Variants in PLXNA4 observed in about 807,000 individuals in gnomAD.
PLXNA4 encodes plexin-A4.
A neutral mutation model predicts 191.8 loss-of-function variants in PLXNA4; 44 were observed. The ratio of observed to expected loss-of-function variants is 0.23; its 90% CI spans 0.18 to 0.29. The LOEUF (loss-of-function observed/expected upper bound fraction) is 0.29, where lower values mean the gene tolerates loss of function less well. Among genes scored for constraint, PLXNA4 ranks in the 10% least tolerant of loss-of-function variants. The pLI, the probability that PLXNA4 is intolerant of heterozygous loss-of-function variation, is 1.00. For missense variants in PLXNA4, 1,800 were observed against 2,488.8 expected (o/e 0.72, Z 5.89); for synonymous variants, 1,082 against 1,009.5 (o/e 1.07, Z -1.36).
chr7:132,577,199 C>G (rs1228726202), upstream of PLXNA4: 1 of 148,334 alleles, frequency 6.7e-6, no homozygotes, highest in Non-Finnish European at 1.5e-5. Context: ...CCCCGGCCCC[C>G]CGGGCGGGCT....
intron 21 of PLXNA4, among the ~76,000 whole-genome samples, chr7:132,172,726 C>T (rs990214486): frequency 2.6e-5 from 4 of 150,982 alleles, no homozygotes; most frequent in Non-Finnish European, 5.9e-5. Flanking sequence ...AACTAACCTG[C>T]ACATTGTGCA....
intron 1 of PLXNA4, among the ~76,000 whole-genome samples, chr7:132,563,094 T>C (rs960507670): frequency 4.9e-3 from 167 of 33,914 alleles, no homozygotes; most frequent in Middle Eastern, 0.062. Flanking sequence ...CCTCCTCTTC[T>C]TCCTCCTCCT....
chr7:132,242,653 A>G (rs1376240772), intron 4 of PLXNA4, among the ~76,000 whole-genome samples: 1 of 152,032 alleles, frequency 6.6e-6, no homozygotes, highest in African/African-American at 2.4e-5. Context: ...TACCTCTCCC[A>G]TTCTGACGGC....
intron 3 of PLXNA4, among the ~76,000 whole-genome samples, chr7:132,335,180 A>C (rs1450890661): frequency 6.6e-6 from 1 of 152,218 alleles, no homozygotes; most frequent in African/African-American, 2.4e-5. Flanking sequence ...TTCTCTAAGC[A>C]CAGTCTTCAT....
intron 2 of PLXNA4, among the ~76,000 whole-genome samples, chr7:132,492,889 A>G (rs886142882): frequency 6.6e-6 from 1 of 152,162 alleles, no homozygotes; most frequent in Non-Finnish European, 1.5e-5. Flanking sequence ...CCTGCCTGGA[A>G]CAGGGGTAGA....
chr7:132,198,441 C>CCCCTG (rs780237760), intron 13 of PLXNA4, 44 bp downstream of exon 13: 1 of 1,598,180 alleles, frequency 6.3e-7, no homozygotes, highest in South Asian at 1.1e-5. Context: ...ACTAACCCGT[C>CCCCTG]TTCCCTCCCC....
Position 132,145,107 on chromosome 7 carries a change from C to A in PLXNA4, c.5225+12G>T. 6.8e-6 allele frequency: 11 copies of A among 1,614,000 alleles called. No homozygotes were observed. Among genetic ancestry groups the A allele is most frequent in the Non-Finnish European group, 9.3e-6 (11 of 1,179,972 alleles). On this transcript the variant is annotated intron_variant, in intron 29 of 31. Transcript: ENST00000321063. ...GGGCTCCCGATGTGCCCCCTGCCCT[C>A]CCTTCACTCACCAATTGCTCTTCCA...
At position 132,128,349 on chromosome 7, in the gene PLXNA4, T is replaced by C. The variant is rs755345787; in HGVS notation, c.*2130A>G. On this transcript the variant is annotated 3_prime_UTR_variant, in exon 32 of 32. Transcript: ENST00000321063. ...TCTTCCCATTAGGTTGCTCATGTCT[T>C]TTCCACCATCTGTCCTCTGCGATGT... 9 of 152,272 alleles carry C rather than the reference T, an allele frequency of 5.9e-5. No individual in the cohort carries two copies. Among genetic ancestry groups the C allele is most frequent in the Non-Finnish European group, 1.3e-4 (9 of 68,056 alleles). 9.4% of individuals were successfully genotyped at this position (152,272 alleles called of 1,614,324 possible). A position where few individuals can be genotyped will look rare whatever the true frequency, so the allele number is the denominator to read the frequency against.
At chr7:132,563,875 T>A in intron 1 of PLXNA4, among the ~76,000 whole-genome samples, 1 of 110,804 alleles carries the variant, frequency 9.0e-6, no homozygotes, top group Non-Finnish European at 1.8e-5. Flanking sequence ...CTCCTCTTCC[T>A]CCTCCTCCTT....
rs137899716 is a variant in PLXNA4, at chr7:132,641,862, GACA to G, written c.-87+4063_-87+4065del. ...CCATGACCAAGTCTGTGCATGCTCA[GACA>G]ATGATCACAGCAGTCAATGTGGCTG... On this transcript the variant is annotated intron_variant, in intron 2 of 4. Transcript: ENST00000378539. Among the ~76,000 whole-genome samples the G allele has an allele frequency of 6.5e-3, 988 of 152,280 alleles. 9 individuals carry two copies. The highest frequency in any genetic ancestry group is 0.023 in the African/African-American group (959 of 41,550).
chr7:132,139,959 A>G (rs1795217613), intron 30 of PLXNA4, among the ~76,000 whole-genome samples: 1 of 152,228 alleles, frequency 6.6e-6, no homozygotes, highest in African/African-American at 2.4e-5. Flanking sequence ...ACAAACCATT[A>G]ACCTTCTTTA....
At chr7:132,314,112 A>G (rs537521357) in intron 3 of PLXNA4, among the ~76,000 whole-genome samples, 120 of 152,272 alleles carry the variant, frequency 7.9e-4, no homozygotes, top group African/African-American at 2.6e-3. Flanking sequence ...AGACACACCG[A>G]TTTAATTACC....
rs190139093 is a variant in PLXNA4, at chr7:132,281,044, T to C, written c.1503+17047A>G. ...ATAAAGATAAAATAGCATCTTGTAT[T>C]TGATTTTACAAATGAGTGATACAAA... On this transcript the variant is annotated intron_variant, in intron 4 of 31. Transcript: ENST00000321063. 8.5e-5 allele frequency among the ~76,000 whole-genome samples: 13 copies of C among 152,304 alleles called. No homozygotes were observed. In the East Asian group the frequency reaches 2.3e-3, roughly 27 times the overall value.
At chr7:132,611,219 C>T (rs767095499) in intron 2 of PLXNA4, among the ~76,000 whole-genome samples, 6 of 152,196 alleles carry the variant, frequency 3.9e-5, no homozygotes, top group East Asian at 1.9e-4. Flanking sequence ...TTAAATATGT[C>T]GCCTCTGGAC....
chr7:132,553,826 G>T (rs1328367058), intron 1 of PLXNA4, among the ~76,000 whole-genome samples: 3 of 152,120 alleles, frequency 2.0e-5, no homozygotes, highest in African/African-American at 7.2e-5. Context: ...GTCCTCTCTG[G>T]TTGACCAGAA....
chr7:132,479,274 GA>G (rs11310613), intron 3 of PLXNA4, among the ~76,000 whole-genome samples: 23,767 of 141,718 alleles, frequency 0.17, 2,808 homozygotes, highest in African/African-American at 0.34. Flanking sequence ...ATCTCTTTGG[GA>G]AAAAAAAAAA....
intron 3 of PLXNA4, among the ~76,000 whole-genome samples, chr7:132,341,278 C>A (rs1344353550): frequency 4.6e-5 from 7 of 152,138 alleles, no homozygotes; most frequent in African/African-American, 1.7e-4. Context: ...CAGCCTTTAA[C>A]ACACCATATT....
At chr7:132,619,988 G>A (rs1803230116) in intron 2 of PLXNA4, among the ~76,000 whole-genome samples, 1 of 152,212 alleles carries the variant, frequency 6.6e-6, no homozygotes, top group Admixed American at 6.5e-5. Flanking sequence ...ATTTTTAGTA[G>A]AGATGGGGTT....
At chr7:132,558,197 T>A (rs1415360485) in intron 1 of PLXNA4, among the ~76,000 whole-genome samples, 1 of 152,228 alleles carries the variant, frequency 6.6e-6, no homozygotes, top group Non-Finnish European at 1.5e-5. Context: ...TAAAATTTGT[T>A]ACCTGGTTAA....
Sources: gnomAD v4.1 joint callset for allele counts (sites outside exome capture counted in the v4.1 genomes callset) on GRCh38, gnomAD v4.1.1 for gene constraint, MANE v1.5 for transcripts, NCBI Gene and HGNC (gene_info 2026-07-23, HGNC 2026-07-21) for gene names.